The following IL34 variants were observed in gnomAD, a reference collection of about 807,000 sequenced individuals.
IL34 encodes interleukin-34.
In IL34, 17 loss-of-function variants were observed where a neutral mutation model predicts 25.3. The observed-to-expected ratio is 0.67, with a 90% confidence interval of 0.46 to 1.01. The LOEUF (loss-of-function observed/expected upper bound fraction) is 1.01, where lower values mean the gene tolerates loss of function less well. Among genes scored for constraint, IL34 ranks in the 50% least tolerant of loss-of-function variants. IL34 has a pLI of 0.00. For missense variants in IL34, 368 were observed against 312.9 expected (o/e 1.18, Z -1.33); for synonymous variants, 174 against 140.9 (o/e 1.23, Z -1.66).
At chr16:70,617,352 C>T (rs918682410) in intron 1 of IL34, among the ~76,000 whole-genome samples, 2 of 152,072 alleles carry the variant, frequency 1.3e-5, no homozygotes, top group African/African-American at 4.8e-5. Flanking sequence ...GGGGATAGCA[C>T]GAGGAGATAT....
At chr16:70,651,674 C>T (rs944455725) in intron 1 of IL34, among the ~76,000 whole-genome samples, 6 of 151,270 alleles carry the variant, frequency 4.0e-5, no homozygotes, top group African/African-American at 1.5e-4. Context: ...TTCCAAGATG[C>T]TGGGGAGTGG....
intron 2 of IL34, 119 bp from the exon 3 acceptor site, chr16:70,656,483 C>T: frequency 1.4e-6 from 1 of 735,576 alleles, no homozygotes; most frequent in Non-Finnish European, 2.5e-6. Flanking sequence ...GCTGCCCCTG[C>T]ACTCCATACT....
chr16:70,617,196 G>A (rs1312147420), intron 1 of IL34, among the ~76,000 whole-genome samples: 1 of 152,108 alleles, frequency 6.6e-6, no homozygotes, highest in Non-Finnish European at 1.5e-5. Context: ...AAAACTAAAT[G>A]GAATAAGAGA....
intron 1 of IL34, among the ~76,000 whole-genome samples, chr16:70,630,191 G>T (rs984217469): frequency 6.6e-6 from 1 of 152,066 alleles, no homozygotes; most frequent in African/African-American, 2.4e-5. Context: ...TCTTTTAATG[G>T]CTGAATAGTA....
chr16:70,620,565 A>T (rs1353545481), intron 1 of IL34, among the ~76,000 whole-genome samples: 1 of 152,132 alleles, frequency 6.6e-6, no homozygotes, highest in Non-Finnish European at 1.5e-5. Context: ...AGACTCAGCG[A>T]CACTTGGGGT....
chr16:70,637,444 G>A (rs1348728977), intron 1 of IL34, among the ~76,000 whole-genome samples: 2 of 152,066 alleles, frequency 1.3e-5, no homozygotes, highest in Admixed American at 1.3e-4. Context: ...TGCCTCTCGG[G>A]TTCAAGTAAT....
chr16:70,657,417 G>T (rs2052260338), intron 4 of IL34: 1 of 335,874 alleles, frequency 3.0e-6, no homozygotes, highest in Non-Finnish European at 5.5e-6. Context: ...TACCCTCTTT[G>T]TTTCTGCAAC....
chr16:70,589,783 C>G (rs2050732019), intron 1 of IL34, among the ~76,000 whole-genome samples: 1 of 152,070 alleles, frequency 6.6e-6, no homozygotes, highest in Admixed American at 6.6e-5. Context: ...CCACCACGCC[C>G]AGCTATTTTT....
chr16:70,600,076 A>G (rs1308752840), intron 1 of IL34, among the ~76,000 whole-genome samples: 4 of 152,110 alleles, frequency 2.6e-5, no homozygotes, highest in Admixed American at 6.5e-5. Context: ...GTCCCAGACA[A>G]ACCCAACTTT....
At chr16:70,624,617 A>C (rs1444990717) in intron 1 of IL34, among the ~76,000 whole-genome samples, 1 of 152,138 alleles carries the variant, frequency 6.6e-6, no homozygotes, top group African/African-American at 2.4e-5. Context: ...CCTAAACGCT[A>C]TCTGATTTGG....
At chr16:70,626,957 C>T (rs1216561480) in intron 1 of IL34, among the ~76,000 whole-genome samples, 3 of 151,786 alleles carry the variant, frequency 2.0e-5, no homozygotes, top group Non-Finnish European at 4.4e-5. Flanking sequence ...ATTCAAGTTC[C>T]CACTGTTTTG....
chr16:70,647,662 C>G (rs548172485), intron 1 of IL34, among the ~76,000 whole-genome samples: 175 of 152,294 alleles, frequency 1.1e-3, no homozygotes, highest in Middle Eastern at 0.01. Context: ...ACTGCCATGA[C>G]AACAAGGACC....
chr16:70,654,567 G>A lies in IL34; in HGVS notation c.58G>A (p.Gly20Arg). The change falls in exon 2 of 6, where the codon GGG (glycine) becomes AGG (arginine). Residue 20 changes from glycine to arginine, a missense_variant. Coordinates refer to ENST00000288098, the MANE Select transcript of IL34 (RefSeq NM_001393494.1). ...TGGGATCTTCCTTGGCGTGGCCTTG[G>A]GGAATGAGCCTTTGGAGATGTGGCC... ...YLGIFLGVAL[G>R]NEPLEMWPLT... 3 of 1,613,260 alleles carry A rather than the reference G, an allele frequency of 1.9e-6. No homozygotes were observed. Among genetic ancestry groups the A allele is most frequent in the Non-Finnish European group, 1.7e-6 (2 of 1,179,408 alleles).
chr16:70,631,022 G>A lies in IL34; in HGVS notation c.-400-15526G>A, dbSNP rs551744472. On this transcript the variant is annotated intron_variant, in intron 1 of 6. Coordinates refer to the IL34 transcript ENST00000429149. ...TGGGTATATACCTGGCAGTGAAGTT[G>A]CTGGATCATATGGTAGCCTAAACTA... 1.8e-4 allele frequency among the ~76,000 whole-genome samples: 27 copies of A among 152,326 alleles called. 1 individual carries two copies. The highest frequency in any genetic ancestry group is 6.3e-4 in the African/African-American group (26 of 41,586).
intron 1 of IL34, among the ~76,000 whole-genome samples, chr16:70,596,895 A>G (rs928285597): frequency 6.6e-6 from 1 of 151,754 alleles, no homozygotes; most frequent in Non-Finnish European, 1.5e-5. Context: ...CCTCATTTCC[A>G]TTTTACAGAG....
chr16:70,604,359 G>A (rs1219027368), intron 1 of IL34, among the ~76,000 whole-genome samples: 1 of 152,132 alleles, frequency 6.6e-6, no homozygotes, highest in Non-Finnish European at 1.5e-5. Flanking sequence ...CTACACCACT[G>A]GCCCCATCGA....
rs144464320 is a variant in IL34 at position 70,660,173 on chromosome 16, G to A, written c.715G>A (p.Gly239Ser). The A allele has an allele frequency of 1.4e-3, 2,189 of 1,592,742 alleles. 6 individuals are homozygous for A. Among genetic ancestry groups the A allele is most frequent in the Non-Finnish European group, 1.6e-3 (1,887 of 1,170,582 alleles). Residue 239 changes from glycine to serine, a missense_variant, in exon 6 of 6, where the codon GGC (glycine) becomes AGC (serine). Gly to Ser is a moderately conservative substitution (Grantham distance 56). Coordinates refer to ENST00000288098, the MANE Select transcript of IL34 (RefSeq NM_001393494.1). ...SVRPVRAQGE[G>S]LLP ...GAGGCCGGTCAGGGCACAGGGCGAG[G>A]GCCTCTTGCCCTGAGCACCCTGGAT...
rs2051936646 is a variant in IL34, at chr16:70,646,617, A to G, written c.-331A>G. ...AAGCGTCACCCAGCCCCAGATTCCGAGGGGCCTGCCAGGGACTCTCTCCTC... is the reference window on the plus strand; with the variant it reads ...AAGCGTCACCCAGCCCCAGATTCCGGGGGGCCTGCCAGGGACTCTCTCCTC... On this transcript the variant is annotated 5_prime_UTR_variant, in exon 1 of 6. Coordinates refer to ENST00000288098, the MANE Select transcript of IL34 (RefSeq NM_001393494.1). The G allele has an allele frequency of 8.2e-6, 3 of 363,728 alleles. No homozygotes were observed. The highest frequency in any genetic ancestry group is 1.5e-5 in the Non-Finnish European group (3 of 203,882). 22.5% of individuals were successfully genotyped at this position (363,728 alleles called of 1,614,324 possible). A position where few individuals can be genotyped will look rare whatever the true frequency, so the allele number is the denominator to read the frequency against.
intron 1 of IL34, among the ~76,000 whole-genome samples, chr16:70,637,027 A>C (rs1412355876): frequency 6.6e-6 from 1 of 151,328 alleles, no homozygotes; most frequent in Non-Finnish European, 1.5e-5. Flanking sequence ...CTACAGGCTA[A>C]TTTTTTGTAT....
Sources: allele counts gnomAD v4.1 joint callset (sites outside exome capture counted in the v4.1 genomes callset), GRCh38; gene constraint gnomAD v4.1.1; transcripts MANE v1.5; gene names NCBI Gene and HGNC (gene_info 2026-07-23, HGNC 2026-07-21).